The following BTD variants were observed in gnomAD, a reference collection of about 807,000 sequenced individuals.
BTD encodes the protein biocytinase.
In BTD, 13 loss-of-function variants were observed where a neutral mutation model predicts 17.7. The observed-to-expected ratio is 0.74, with a 90% CI of 0.48 to 1.17. BTD has a LOEUF of 1.17. Ranked by LOEUF, BTD falls within the 50% of genes most tolerant of loss-of-function variation. The pLI, the probability that BTD is intolerant of heterozygous loss-of-function variation, is 0.00. For synonymous variants in BTD, 240 were observed against 245.2 expected (o/e 0.98, Z 0.20); for missense variants, 674 against 650.4 (o/e 1.04, Z -0.39).
chr3:15,676,938 G>A (rs1208433749), intron 3 of BTD: 7 of 1,530,778 alleles, frequency 4.6e-6, no homozygotes, highest in African/African-American at 1.4e-5. Flanking sequence ...ATAATTATAG[G>A]TCACAAAGTT....
intron 3 of BTD, chr3:15,670,275 A>G: frequency 6.2e-7 from 1 of 1,612,666 alleles, no homozygotes. Flanking sequence ...GCCTCTCAGT[A>G]GGTCTCAGAA....
chr3:15,690,252 A>G, intron 3 of BTD: 1 of 1,504,164 alleles, frequency 6.6e-7, no homozygotes, highest in South Asian at 1.3e-5. Context: ...AATTTAAAAC[A>G]TACATATTTA....
At chr3:15,643,966 T>TTTAATTAATTAA (rs199961120) in intron 3 of BTD, among the ~76,000 whole-genome samples, 17 of 105,322 alleles carry the variant, frequency 1.6e-4, no homozygotes, top group South Asian at 3.2e-4. Flanking sequence ...AACTCATTTA[T>TTTAATTAATTAA]TTAATTTATT....
At chr3:15,702,634 T>TC (rs2070778663) in intron 3 of BTD, among the ~76,000 whole-genome samples, 2 of 152,180 alleles carry the variant, frequency 1.3e-5, no homozygotes, top group African/African-American at 2.4e-5. Context: ...ACCCTACCAC[T>TC]CATGAACCCT....
chr3:15,672,458 C>T (rs567403208), intron 3 of BTD, among the ~76,000 whole-genome samples: 46 of 152,184 alleles, frequency 3.0e-4, no homozygotes, highest in Admixed American at 2.9e-3. Flanking sequence ...AGTAATTTTT[C>T]CCCCTTTGTA....
In BTD at chr3:15,719,189, G is replaced by A. The variant is rs552636653; in HGVS notation, c.1016-2581G>A. Among the ~76,000 whole-genome samples, 277 of 152,198 alleles carry A rather than the reference G, an allele frequency of 1.8e-3. 1 individual carries two copies. The highest frequency in any genetic ancestry group is 2.1e-3 in the Non-Finnish European group (144 of 68,000). On this transcript the variant is annotated intron_variant, in intron 4 of 4. Transcript: ENST00000672427. ...ATACATTTTGTCCTGTAGTTGAGAGGGCAATTTAAAGCAATGGCCTAATTA... is the reference window on the plus strand; with the variant it reads ...ATACATTTTGTCCTGTAGTTGAGAGAGCAATTTAAAGCAATGGCCTAATTA...
chr3:15,709,548 T>C, intron 3 of BTD: 2 of 592,136 alleles, frequency 3.4e-6, no homozygotes, highest in Non-Finnish European at 5.7e-6. Context: ...GGACTCTCAA[T>C]GAATCATGAT....
At chr3:15,661,265 CAAA>C (rs56165902) in intron 3 of BTD, among the ~76,000 whole-genome samples, 24 of 93,752 alleles carry the variant, frequency 2.6e-4, no homozygotes, top group African/African-American at 7.4e-4. Context: ...GACTCTGTCT[CAAA>C]AAAAAAAAAA....
At chr3:15,709,678 T>C in intron 3 of BTD, 1 of 1,581,436 alleles carries the variant, frequency 6.3e-7, no homozygotes, top group East Asian at 2.3e-5. Context: ...CTCCCAAATT[T>C]GTCCTTTTTA....
At chr3:15,693,255 T>C (rs943992702) in intron 3 of BTD, among the ~76,000 whole-genome samples, 1 of 152,174 alleles carries the variant, frequency 6.6e-6, no homozygotes, top group Non-Finnish European at 1.5e-5. Context: ...TTTTATGCTA[T>C]GTTTTCTTTT....
intron 1 of BTD, 127 bp downstream of exon 1, chr3:15,602,021 C>G: frequency 6.7e-7 from 1 of 1,503,422 alleles, no homozygotes; most frequent in Admixed American, 2.3e-5. Flanking sequence ...GGAAGCCCGG[C>G]GCGCGTCGTT....
At chr3:15,670,646 G>T in intron 3 of BTD, 2 of 1,288,504 alleles carry the variant, frequency 1.6e-6, no homozygotes, top group Non-Finnish European at 2.1e-6. Context: ...TTCAACTTTA[G>T]ACATATTTTA....
At chr3:15,615,703 T>C (rs1437986563) in intron 1 of BTD, among the ~76,000 whole-genome samples, 2 of 152,262 alleles carry the variant, frequency 1.3e-5, no homozygotes, top group Admixed American at 6.5e-5. Flanking sequence ...TTCCCTGTTA[T>C]CAATATCCCA....
chr3:15,654,096 C>G (rs1385658531), downstream of BTD, among the ~76,000 whole-genome samples: 1 of 152,218 alleles, frequency 6.6e-6, no homozygotes, highest in Non-Finnish European at 1.5e-5. Context: ...ACACACACAA[C>G]CCCCAAAACA....
rs1008827483 is a variant in BTD, at chr3:15,650,636, G to A, written c.*5148G>A. Among the ~76,000 whole-genome samples, 1 of 152,068 alleles carries A rather than the reference G, an allele frequency of 6.6e-6. No individual in the cohort carries two copies. The highest frequency in any genetic ancestry group is 1.5e-5 in the Non-Finnish European group (1 of 68,016). ...TGGCCATGACTTCTAGGCTTCATCT[G>A]CCCCTCTCAGCAGCTCTAGAGAAGA... On this transcript the variant is annotated 3_prime_UTR_variant, in exon 4 of 4. Coordinates refer to ENST00000643237, the MANE Select transcript of BTD (RefSeq NM_001370658.1).
intron 4 of BTD, among the ~76,000 whole-genome samples, chr3:15,719,254 C>T (rs368804791): frequency 5.9e-4 from 90 of 151,996 alleles, no homozygotes; most frequent in Non-Finnish European, 1.0e-3. Flanking sequence ...AGAATTGACC[C>T]GTGGCATCAT....
At chr3:15,611,286 T>C (rs1022141366) in intron 1 of BTD, among the ~76,000 whole-genome samples, 60 of 152,220 alleles carry the variant, frequency 3.9e-4, no homozygotes, top group African/African-American at 1.4e-3. Context: ...AACATGATAA[T>C]TGGAGTTGTA....
chr3:15,694,601 G>A, intron 3 of BTD: 2 of 522,572 alleles, frequency 3.8e-6, no homozygotes, highest in East Asian at 3.2e-5. Context: ...ATTAAAGAAA[G>A]TTCTCAAAGT....
chr3:15,611,180 C>T (rs879703841), intron 1 of BTD, among the ~76,000 whole-genome samples: 4 of 152,166 alleles, frequency 2.6e-5, no homozygotes, highest in Non-Finnish European at 4.4e-5. Flanking sequence ...CACGCGTCCA[C>T]ACATGGGCCA....
Sources: allele counts gnomAD v4.1 joint callset (sites outside exome capture counted in the v4.1 genomes callset), GRCh38; gene constraint gnomAD v4.1.1; transcripts MANE v1.5; gene names NCBI Gene and HGNC (gene_info 2026-07-23, HGNC 2026-07-21).